Variants in DGKD observed in about 807,000 individuals in gnomAD.
The protein encoded by DGKD is diacylglycerol kinase delta, also known as DAG kinase delta.
A neutral mutation model predicts 154.4 loss-of-function variants in DGKD; 68 were observed. That is an observed-to-expected ratio of 0.44 (90% CI 0.36 to 0.54). The LOEUF is 0.54. Ranked by LOEUF, DGKD falls within the 20% of genes least tolerant of loss-of-function variation. The pLI, the probability that DGKD is intolerant of heterozygous loss-of-function variation, is 0.00. For synonymous variants in DGKD, 693 were observed against 638.0 expected, an observed-to-expected ratio of 1.09 and a Z score of -1.30; for missense variants, 1,343 against 1,593.6, an observed-to-expected ratio of 0.84 and a Z score of 2.68.
chr2:233,465,737 T>C (rs565890044), intron 27 of DGKD, among the ~76,000 whole-genome samples: 7 of 152,272 alleles, frequency 4.6e-5, no homozygotes, highest in African/African-American at 1.7e-4. Flanking sequence ...GCTAACAGCA[T>C]GAAAATAAGA....
chr2:233,393,918 T>C (rs1243237371), intron 3 of DGKD, among the ~76,000 whole-genome samples: 1 of 151,890 alleles, frequency 6.6e-6, no homozygotes, highest in Non-Finnish European at 1.5e-5. Context: ...CTGACCTCAG[T>C]GCCCACCTTG....
At position 233,402,927 on chromosome 2, in the gene DGKD, C is replaced by G. The variant is rs541104617; in HGVS notation, c.348+12444C>G. 2.0e-5 allele frequency among the ~76,000 whole-genome samples: 3 copies of G among 152,244 alleles called. No individual in the cohort carries two copies. In the South Asian group the frequency reaches 6.2e-4, roughly 32 times the overall value. On this transcript the variant is annotated intron_variant, in intron 3 of 29. Transcript: ENST00000264057. ...GTTCCCTACTCTGGGAGACTTCTAA[C>G]AGTATATAAAGAAGTAGTTCTAGTG...
chr2:233,460,617 G>A (rs186300109), intron 24 of DGKD, among the ~76,000 whole-genome samples: 3 of 152,312 alleles, frequency 2.0e-5, no homozygotes, highest in East Asian at 1.9e-4. Context: ...TCAGCCGGGC[G>A]CGGTGGCTCA....
intron 1 of DGKD, among the ~76,000 whole-genome samples, chr2:233,379,127 A>G (rs1409445596): frequency 3.3e-5 from 5 of 152,248 alleles, no homozygotes; most frequent in Non-Finnish European, 2.9e-5. Context: ...AGACAGCCTC[A>G]TAATGGATGT....
chr2:233,381,673 A>G (rs765972922), intron 1 of DGKD, among the ~76,000 whole-genome samples: 3 of 152,214 alleles, frequency 2.0e-5, no homozygotes, highest in Admixed American at 2.0e-4. Flanking sequence ...TTTGTGAACA[A>G]ATTATTTTCT....
rs555626717 is a variant in DGKD, at chr2:233,447,050, T to C, written c.1419+254T>C. 3.7e-3 allele frequency among the ~76,000 whole-genome samples: 568 copies of C among 152,222 alleles called. 2 individuals carry two copies. The highest frequency in any genetic ancestry group is 6.5e-3 in the Non-Finnish European group (442 of 68,014). On this transcript the variant is annotated intron_variant, in intron 12 of 29. Coordinates refer to ENST00000264057, the MANE Select transcript of DGKD (RefSeq NM_152879.3). ...TAGGCCCTGCCGGGTGGTGGGGTGG[T>C]CCTCCTAATGGCCTTTCCACCCTGT...
At chr2:233,367,196 C>T (rs1483598973) in intron 1 of DGKD, among the ~76,000 whole-genome samples, 1 of 151,000 alleles carries the variant, frequency 6.6e-6, no homozygotes, top group Non-Finnish European at 1.5e-5. Context: ...TCAACTTTTT[C>T]AAGAGACAAG....
In DGKD at chr2:233,459,184, A is replaced by C. The variant is rs988595936; in HGVS notation, c.2695-573A>C. Among the ~76,000 whole-genome samples, 5 of 151,422 alleles carry C rather than the reference A, an allele frequency of 3.3e-5. No homozygotes were observed. Among genetic ancestry groups the C allele is most frequent in the Non-Finnish European group, 7.4e-5 (5 of 67,848 alleles). On this transcript the variant is annotated intron_variant, in intron 22 of 29. Transcript: ENST00000264057. This position sits in a 1 kb window ranked among gnomAD's most constrained non-coding sequence, Gnocchi z 5.7. Reference sequence around the variant, plus strand: ...AGTCTTTCTGTGAGGATGGGGCAGGACTCTGTACCCAGGCACAGGCACTGG... The same window carrying C: ...AGTCTTTCTGTGAGGATGGGGCAGGCCTCTGTACCCAGGCACAGGCACTGG...
intron 3 of DGKD, among the ~76,000 whole-genome samples, chr2:233,427,816 TTGCCAGTAGTTA>T (rs2125567538): frequency 6.6e-6 from 1 of 152,350 alleles, no homozygotes; most frequent in East Asian, 1.9e-4. Context: ...CATTCCTTGG[TTGCCAGTAGTTA>T]TGATACTGGC....
chr2:233,367,870 T>A (rs959244469), intron 1 of DGKD, among the ~76,000 whole-genome samples: 2 of 140,424 alleles, frequency 1.4e-5, no homozygotes, highest in East Asian at 2.1e-4. Context: ...TTTTTTTTTT[T>A]AATAGAAGTG....
intron 1 of DGKD, among the ~76,000 whole-genome samples, chr2:233,383,239 C>T (rs559624377): frequency 1.3e-5 from 2 of 152,194 alleles, no homozygotes; most frequent in Admixed American, 6.5e-5. Flanking sequence ...CAGGGTTTCG[C>T]TGTGTTGCCC....
chr2:233,458,229 G>C lies in DGKD; in HGVS notation c.2581-55G>C, dbSNP rs1328491960. 8.2e-7 allele frequency: 1 copy of C among 1,218,062 alleles called. No individual in the cohort carries two copies. The highest frequency in any genetic ancestry group is 1.8e-5 in the Admixed American group (1 of 56,984). 75.5% of individuals were successfully genotyped at this position (1,218,062 alleles called of 1,614,324 possible). On this transcript the variant is annotated intron_variant, in intron 21 of 29. Coordinates refer to ENST00000264057, the MANE Select transcript of DGKD (RefSeq NM_152879.3). This position sits in a 1 kb window ranked among gnomAD's most constrained non-coding sequence, Gnocchi z 6.6. ...AGAGGGAGGGAGTGAGGGTAGGGGC[G>C]GCCTGTGCTCGGGGATGTGTGGAGT... is the stretch of plus-strand genomic sequence containing the variant.
At position 233,354,499 on chromosome 2, in the gene DGKD, GC is replaced by G. The variant is rs1411677855; in HGVS notation, c.-19del. 3 of 975,768 alleles carry G rather than the reference GC, an allele frequency of 3.1e-6. No individual in the cohort carries two copies. Among genetic ancestry groups the G allele is most frequent in the Non-Finnish European group, 3.6e-6 (3 of 824,758 alleles). The allele number at this position is 975,768 out of a possible 1,614,324, so 60.4% of individuals were successfully genotyped here. A position where few individuals can be genotyped will look rare whatever the true frequency, so the allele number is the denominator to read the frequency against. ...GCCCCGCCCCGCCCCCGCCCGCGGT[GC>G]GCGCGCTGGCCCGGCAGCATGGCGG... On this transcript the variant is annotated 5_prime_UTR_variant, in exon 1 of 30. Coordinates refer to ENST00000264057, the MANE Select transcript of DGKD (RefSeq NM_152879.3). The surrounding 1 kb of genome is among the most constrained non-coding windows in gnomAD (Gnocchi z 4.8).
intron 1 of DGKD, among the ~76,000 whole-genome samples, chr2:233,358,935 C>T (rs1432520656): frequency 6.6e-6 from 1 of 152,172 alleles, no homozygotes; most frequent in East Asian, 1.9e-4. Flanking sequence ...AGTGCTGGGC[C>T]ATATGGTAAT....
intron 1 of DGKD, among the ~76,000 whole-genome samples, chr2:233,363,010 G>A (rs1471290617): frequency 1.3e-5 from 2 of 152,156 alleles, no homozygotes; most frequent in African/African-American, 4.8e-5. Flanking sequence ...CATAATAGTT[G>A]ATGATGATAA....
chr2:233,447,051 C>A (rs1214172825), intron 12 of DGKD, among the ~76,000 whole-genome samples: 1 of 152,194 alleles, frequency 6.6e-6, no homozygotes, highest in Non-Finnish European at 1.5e-5. Flanking sequence ...GTGGGGTGGT[C>A]CTCCTAATGG....
chr2:233,393,703 A>T (rs112421921), intron 3 of DGKD, among the ~76,000 whole-genome samples: 3,782 of 76,076 alleles, frequency 0.05, 86 homozygotes, highest in Middle Eastern at 0.062. Flanking sequence ...TTTTTTTTTT[A>T]GATGGAGTCT....
intron 3 of DGKD, among the ~76,000 whole-genome samples, chr2:233,431,435 A>G (rs973003069): frequency 6.6e-6 from 1 of 152,256 alleles, no homozygotes; most frequent in Non-Finnish European, 1.5e-5. Flanking sequence ...AATTCCTATT[A>G]AAATACCAAT....
At chr2:233,463,005 G>A (rs1193346306) in intron 26 of DGKD, among the ~76,000 whole-genome samples, 2 of 152,194 alleles carry the variant, frequency 1.3e-5, no homozygotes, top group African/African-American at 2.4e-5. Context: ...TTAGAAGCCT[G>A]TAGTGCAGAG....
Sources: gnomAD v4.1 joint callset for allele counts (sites outside exome capture counted in the v4.1 genomes callset) on GRCh38, gnomAD v4.1.1 for gene constraint, Gnocchi (gnomAD v3.1) non-coding constraint, MANE v1.5 for transcripts, NCBI Gene and HGNC (gene_info 2026-07-23, HGNC 2026-07-21) for gene names.